CCNY: variants seen among roughly 807,000 people sequenced by gnomAD.
CCNY encodes the protein cyclin-Y.
CCNY carries 19 observed loss-of-function variants against 42.8 expected under a neutral mutation model. The observed-to-expected ratio is 0.44, with a 90% confidence interval of 0.31 to 0.65. The LOEUF (loss-of-function observed/expected upper bound fraction) is 0.65. CCNY is among the 30% of genes least tolerant of loss of function. CCNY has a pLI of 0.07. For synonymous variants in CCNY, 165 were observed against 162.7 expected, an observed-to-expected ratio of 1.01 and a Z score of -0.11; for missense variants, 370 against 437.3, an observed-to-expected ratio of 0.85 and a Z score of 1.37.
At chr10:35,418,230 T>A (rs1838068999) in intron 1 of CCNY, among the ~76,000 whole-genome samples, 1 of 152,154 alleles carries the variant, frequency 6.6e-6, no homozygotes, top group Non-Finnish European at 1.5e-5. Flanking sequence ...TTCAGTGACC[T>A]GGATGGAGAG....
intron 1 of CCNY, among the ~76,000 whole-genome samples, chr10:35,355,134 A>G (rs1398090188): frequency 6.6e-6 from 1 of 152,112 alleles, no homozygotes; most frequent in Non-Finnish European, 1.5e-5. Context: ...TGGGGTACGG[A>G]CATGAGTGCA....
intron 7 of CCNY, among the ~76,000 whole-genome samples, chr10:35,534,640 ATTTTAGTGGG>A (rs2135428363): frequency 6.6e-6 from 1 of 152,180 alleles, no homozygotes; most frequent in South Asian, 2.1e-4. Flanking sequence ...TAAAGTGAGC[ATTTTAGTGGG>A]TTTTAGTACA....
intron 1 of CCNY, among the ~76,000 whole-genome samples, chr10:35,454,290 T>G (rs1838982416): frequency 1.3e-5 from 2 of 152,194 alleles, no homozygotes; most frequent in African/African-American, 4.8e-5. Context: ...CCGTTTCAGC[T>G]TCTGTTGTCC....
At chr10:35,356,686 T>C (rs1836557567) in intron 1 of CCNY, among the ~76,000 whole-genome samples, 1 of 152,100 alleles carries the variant, frequency 6.6e-6, no homozygotes, top group South Asian at 2.1e-4. Context: ...GAGAACCTAA[T>C]AGGGAAAAAA....
chr10:35,467,128 A>C (rs1839285648), intron 1 of CCNY, among the ~76,000 whole-genome samples: 1 of 152,230 alleles, frequency 6.6e-6, no homozygotes, highest in Non-Finnish European at 1.5e-5. Flanking sequence ...TTTAGGTGTG[A>C]ATAATTGTAT....
chr10:35,472,604 A>AATGG (rs560516448), intron 1 of CCNY, among the ~76,000 whole-genome samples: 19 of 152,318 alleles, frequency 1.2e-4, no homozygotes, highest in African/African-American at 4.1e-4. Context: ...TTGTTGAATG[A>AATGG]ATGGATGAAT....
rs945562836 is a variant in CCNY, at chr10:35,525,956, T to C, written c.366-8T>C. Reference sequence around the variant, plus strand: ...TGGACACTGAACCTCTGCATTCTATTTTTACAGTGTCGCTCTTGCAATATA... The same window carrying C: ...TGGACACTGAACCTCTGCATTCTATCTTTACAGTGTCGCTCTTGCAATATA... On this transcript the variant is annotated splice_region_variant and splice_polypyrimidine_tract_variant and intron_variant, in intron 4 of 9. Coordinates refer to ENST00000374704, the MANE Select transcript of CCNY (RefSeq NM_145012.6). 11 of 1,611,632 alleles carry C rather than the reference T, an allele frequency of 6.8e-6. No individual in the cohort carries two copies. The Admixed American group carries it at 1.4e-4, about 20-fold the overall frequency.
At chr10:35,448,861 AAC>A (rs1838850706) in intron 1 of CCNY, among the ~76,000 whole-genome samples, 3 of 152,090 alleles carry the variant, frequency 2.0e-5, no homozygotes, top group Non-Finnish European at 4.4e-5. Flanking sequence ...TTCCTGTGGC[AAC>A]TATGGAGAGA....
chr10:35,408,151 C>T (rs1408591061), intron 1 of CCNY, among the ~76,000 whole-genome samples: 1 of 152,110 alleles, frequency 6.6e-6, no homozygotes, highest in Non-Finnish European at 1.5e-5. Flanking sequence ...GGCTGCTTAC[C>T]TGATCTAAAA....
intron 1 of CCNY, among the ~76,000 whole-genome samples, chr10:35,478,173 T>C (rs1319343713): frequency 6.7e-6 from 1 of 148,218 alleles, no homozygotes; most frequent in African/African-American, 2.5e-5. Flanking sequence ...TCCATGCTCA[T>C]GGGTAGGAAG....
chr10:35,394,845 G>A (rs1040817297), intron 1 of CCNY: 3 of 985,222 alleles, frequency 3.0e-6, no homozygotes, highest in East Asian at 1.1e-4. Context: ...GCAGGAGAAA[G>A]TGTTTCATCA....
At chr10:35,282,269 G>A (rs1429342722) in intron 3 of CCNY, among the ~76,000 whole-genome samples, 2 of 151,882 alleles carry the variant, frequency 1.3e-5, no homozygotes, top group East Asian at 3.9e-4. Flanking sequence ...CAACAGGCAT[G>A]CACCACCATG....
At chr10:35,519,316 C>G (rs1378369520) in intron 4 of CCNY, among the ~76,000 whole-genome samples, 127 of 121,988 alleles carry the variant, frequency 1.0e-3, no homozygotes, top group African/African-American at 1.8e-3. Context: ...GAGGCATTCT[C>G]TGGGTATCTG....
rs146730866 is a variant in CCNY, at chr10:35,461,000, T to C, written c.155-22404T>C. Among the ~76,000 whole-genome samples the C allele has an allele frequency of 6.4e-3, 958 of 150,292 alleles. 12 individuals are homozygous for C. The highest frequency in any genetic ancestry group is 0.022 in the African/African-American group (911 of 40,918). On this transcript the variant is annotated intron_variant, in intron 1 of 9. Coordinates refer to ENST00000374704, the MANE Select transcript of CCNY (RefSeq NM_145012.6). ...GAGGGATGTGAAGAGTGGGGAGCAG[T>C]GGGCAGGGGTGGGAGGGGCTGATGA...
intron 3 of CCNY, among the ~76,000 whole-genome samples, chr10:35,505,298 A>G (rs1044068918): frequency 3.3e-5 from 5 of 152,076 alleles, no homozygotes; most frequent in African/African-American, 1.2e-4. Flanking sequence ...AGATGTGAAA[A>G]CAGAATGAAT....
upstream of CCNY, among the ~76,000 whole-genome samples, chr10:35,334,866 A>G (rs1835991956): frequency 1.3e-5 from 2 of 152,248 alleles, no homozygotes; most frequent in African/African-American, 2.4e-5. Flanking sequence ...CTGATGCTAG[A>G]TAAATATCAA....
chr10:35,275,992 C>G (rs990765110), intron 3 of CCNY, among the ~76,000 whole-genome samples: 1 of 152,204 alleles, frequency 6.6e-6, no homozygotes, highest in Non-Finnish European at 1.5e-5. Flanking sequence ...TTCACCTAGG[C>G]ATGGTTACCC....
rs113179285 is a variant in CCNY at position 35,433,697 on chromosome 10, C to T, written c.155-49707C>T. On this transcript the variant is annotated intron_variant, in intron 1 of 9. Transcript: ENST00000374704. ...TGCGATCTCGGCTTACTGCATTCTC[C>T]GCCTCCTGGGTTCAAGCAGTTCTCC... Among the ~76,000 whole-genome samples, 1,223 of 152,194 alleles carry T rather than the reference C, an allele frequency of 8.0e-3. 17 individuals are homozygous for T. Among genetic ancestry groups the T allele is most frequent in the African/African-American group, 0.021 (860 of 41,526 alleles).
intron 1 of CCNY, among the ~76,000 whole-genome samples, chr10:35,356,139 A>G (rs559827915): frequency 1.1e-4 from 17 of 152,340 alleles, no homozygotes; most frequent in African/African-American, 3.4e-4. Flanking sequence ...TTGTATTACA[A>G]AGATAGAAAC....
Sources: allele counts gnomAD v4.1 joint callset (sites outside exome capture counted in the v4.1 genomes callset), GRCh38; gene constraint gnomAD v4.1.1; transcripts MANE v1.5; gene names NCBI Gene and HGNC (gene_info 2026-07-23, HGNC 2026-07-21).